The following RBFOX2 variants were observed in gnomAD, a reference collection of about 807,000 sequenced individuals.
RBFOX2 encodes RNA binding protein fox-1 homolog 2.
Under a neutral mutation model 49.1 loss-of-function variants are expected in RBFOX2, and 10 were observed. The observed-to-expected ratio is 0.20, with a 90% CI of 0.13 to 0.35. The LOEUF is 0.35. Ranked by LOEUF, RBFOX2 falls within the 10% of genes least tolerant of loss-of-function variation. The pLI is 1.00. For synonymous variants in RBFOX2, 183 were observed against 187.4 expected, an observed-to-expected ratio of 0.98 and a Z score of 0.19; for missense variants, 323 against 486.9, an observed-to-expected ratio of 0.66 and a Z score of 3.17.
rs556082833 is a variant in RBFOX2, at chr22:36,019,141, G to A, written c.186+9099C>T. Among the ~76,000 whole-genome samples the A allele has an allele frequency of 2.6e-5, 4 of 152,298 alleles. No homozygotes were observed. The East Asian group carries it at 7.7e-4, about 29-fold the overall frequency. On this transcript the variant is annotated intron_variant, in intron 1 of 13. Coordinates refer to the RBFOX2 transcript ENST00000438146. The stretch of plus-strand genomic sequence containing the variant: ...CTTCCATGTACCACTAAAACAGCCA[G>A]TGAATCTGTCACCCACCCTCCCAAC...
At chr22:35,947,719 AC>A (rs2054471303) in intron 1 of RBFOX2, among the ~76,000 whole-genome samples, 1 of 150,888 alleles carries the variant, frequency 6.6e-6, no homozygotes, top group African/African-American at 2.4e-5. Flanking sequence ...TCTTAAAAAA[AC>A]CTTATAGAAT....
In RBFOX2 at chr22:35,898,284, T is replaced by C. The variant is rs2048121965; in HGVS notation, c.-34+40563A>G. 7 of 748,720 alleles carry C rather than the reference T, an allele frequency of 9.3e-6. No homozygotes were observed. The South Asian group carries it at 9.5e-5, about 10-fold the overall frequency. 46.4% of individuals were successfully genotyped at this position (748,720 alleles called of 1,614,324 possible). A position where few individuals can be genotyped will look rare whatever the true frequency, so the allele number is the denominator to read the frequency against. On this transcript the variant is annotated intron_variant, in intron 1 of 13. Transcript: ENST00000359369. ...GAACATTCACCTTTCCCATGAGGTA[T>C]GAGGGCATGATGAAGCTGGCAATGG...
intron 1 of RBFOX2, among the ~76,000 whole-genome samples, chr22:35,884,744 G>A (rs1295367352): frequency 6.6e-6 from 1 of 152,194 alleles, no homozygotes; most frequent in African/African-American, 2.4e-5. Flanking sequence ...TAATACACAA[G>A]GGTATGAATA....
At chr22:35,856,440 T>C (rs999409629) in intron 1 of RBFOX2, among the ~76,000 whole-genome samples, 4 of 152,142 alleles carry the variant, frequency 2.6e-5, no homozygotes, top group Non-Finnish European at 4.4e-5. Flanking sequence ...TCCTGCCAAA[T>C]GTTTAAGGAT....
intron 1 of RBFOX2, among the ~76,000 whole-genome samples, chr22:35,835,295 G>C (rs1226079201): frequency 6.6e-6 from 1 of 151,904 alleles, no homozygotes; most frequent in African/African-American, 2.4e-5. Flanking sequence ...AAGGAGACCA[G>C]GGTGGGTAAG....
intron 1 of RBFOX2, chr22:35,897,154 G>T: frequency 3.7e-6 from 2 of 541,006 alleles, no homozygotes; most frequent in South Asian, 3.0e-5. Flanking sequence ...TTTAATGGTG[G>T]GATCTTATTC....
At chr22:35,848,860 T>C (rs779609317) in intron 1 of RBFOX2, among the ~76,000 whole-genome samples, 1 of 152,164 alleles carries the variant, frequency 6.6e-6, no homozygotes, top group African/African-American at 2.4e-5. Context: ...ACTCCTTCAT[T>C]TTATATACAA....
Position 36,007,187 on chromosome 22 carries a change from T to A in RBFOX2, c.186+21053A>T, listed in dbSNP as rs114937165. Among the ~76,000 whole-genome samples, 395 of 152,230 alleles carry A rather than the reference T, an allele frequency of 2.6e-3. 5 individuals are homozygous for A. The highest frequency in any genetic ancestry group is 9.3e-3 in the African/African-American group (386 of 41,520). On this transcript the variant is annotated intron_variant, in intron 1 of 13. Coordinates refer to the RBFOX2 transcript ENST00000438146. ...CTAATGTACTTTCCATTTTTAATCA[T>A]CTCTTATCTACCCCTCCATATCAGC... is the stretch of plus-strand genomic sequence containing the variant.
At chr22:35,833,893 TTAG>T (rs1300703843) in intron 1 of RBFOX2, among the ~76,000 whole-genome samples, 1 of 152,056 alleles carries the variant, frequency 6.6e-6, no homozygotes, top group African/African-American at 2.4e-5. Context: ...GCATTATTAT[TTAG>T]TATTATTAGA....
At chr22:35,807,487 C>A (rs1273742036) in intron 2 of RBFOX2, among the ~76,000 whole-genome samples, 15 of 151,842 alleles carry the variant, frequency 9.9e-5, no homozygotes. Context: ...AAACAACATA[C>A]TCCTATGCAA....
At chr22:35,981,206 T>C (rs1380452747) in intron 1 of RBFOX2, among the ~76,000 whole-genome samples, 1 of 152,168 alleles carries the variant, frequency 6.6e-6, no homozygotes, top group African/African-American at 2.4e-5. Context: ...CAACAAAAAA[T>C]ATGCAGAGCA....
intron 1 of RBFOX2, among the ~76,000 whole-genome samples, chr22:35,949,145 C>T (rs573284519): frequency 3.3e-5 from 5 of 152,202 alleles, no homozygotes; most frequent in Non-Finnish European, 7.3e-5. Flanking sequence ...CATATTGTAG[C>T]ACGTGTCAGA....
intron 2 of RBFOX2, among the ~76,000 whole-genome samples, chr22:35,792,330 AAAAAG>A (rs1193695072): frequency 0.012 from 1,682 of 136,266 alleles, 11 homozygotes; most frequent in African/African-American, 0.017. Flanking sequence ...AAAAAAAAAA[AAAAAG>A]AAAAGAAAAG....
intron 1 of RBFOX2, among the ~76,000 whole-genome samples, chr22:35,970,482 A>AG (rs914978749): frequency 1.8e-5 from 2 of 109,200 alleles, no homozygotes; most frequent in African/African-American, 8.6e-5. Context: ...GACCCATCTC[A>AG]AAAAAAAAAA....
At chr22:35,821,901 A>G in intron 1 of RBFOX2, 1 of 519,000 alleles carries the variant, frequency 1.9e-6, no homozygotes, top group South Asian at 1.4e-5. Flanking sequence ...AAGGGGGAGG[A>G]GCAGGAAATG....
chr22:36,004,005 G>A (rs552216959), intron 1 of RBFOX2, among the ~76,000 whole-genome samples: 2 of 152,206 alleles, frequency 1.3e-5, no homozygotes, highest in African/African-American at 4.8e-5. Context: ...AACATCTCTG[G>A]CTTCCAACCC....
At chr22:35,891,683 G>T (rs1042666581) in intron 1 of RBFOX2, among the ~76,000 whole-genome samples, 3 of 152,176 alleles carry the variant, frequency 2.0e-5, no homozygotes, top group African/African-American at 4.8e-5. Context: ...GGTAATTTAA[G>T]TAAGTGGTCT....
intron 9 of RBFOX2, chr22:35,748,338 G>A (rs1933579309): frequency 1.3e-5 from 2 of 152,178 alleles, no homozygotes; most frequent in Admixed American, 1.3e-4. Flanking sequence ...ACAATGAAAT[G>A]GTAATGAATG....
Position 35,773,364 on chromosome 22 carries a change from A to G in RBFOX2, c.453+4661T>C, listed in dbSNP as rs557916247. Among the ~76,000 whole-genome samples, 6 of 152,206 alleles carry G rather than the reference A, an allele frequency of 3.9e-5. No homozygotes were observed. In the South Asian group the frequency reaches 8.3e-4, roughly 21 times the overall value. On this transcript the variant is annotated intron_variant, in intron 4 of 11. Coordinates refer to ENST00000405409, the Ensembl canonical transcript of RBFOX2. ...AAGCCCAACCTAAACCTAGATCCCC[A>G]TTATTCCAGAAATCTACCTGAGAGA...
Sources: gnomAD v4.1 joint callset for allele counts (sites outside exome capture counted in the v4.1 genomes callset) on GRCh38, gnomAD v4.1.1 for gene constraint, MANE v1.5 for transcripts, NCBI Gene and HGNC (gene_info 2026-07-23, HGNC 2026-07-21) for gene names.